The following FERMT2 variants were observed in gnomAD, a reference collection of about 807,000 sequenced individuals.
FERMT2 encodes the protein FERM domain containing kindlin 2, also known as fermitin family homolog 2.
In FERMT2, 15 loss-of-function variants were observed where a neutral mutation model predicts 82.7. The observed-to-expected ratio is 0.18, with a 90% confidence interval of 0.12 to 0.28. FERMT2 has a LOEUF of 0.28. Ranked by LOEUF, FERMT2 falls within the 10% of genes least tolerant of loss-of-function variation. The pLI is 1.00. For synonymous variants in FERMT2, 274 were observed against 271.5 expected (o/e 1.01, Z -0.09); for missense variants, 645 against 809.4 (o/e 0.80, Z 2.46).
chr14:52,915,609 A>T (rs1888573013), intron 3 of FERMT2, among the ~76,000 whole-genome samples: 1 of 152,234 alleles, frequency 6.6e-6, no homozygotes, highest in South Asian at 2.1e-4. Context: ...CCAAATGCAC[A>T]AAAGTAAATT....
intron 3 of FERMT2, among the ~76,000 whole-genome samples, chr14:52,902,404 CA>C (rs66918916): frequency 5.5e-5 from 8 of 146,572 alleles, no homozygotes; most frequent in South Asian, 2.2e-4. Flanking sequence ...AAAACAAAAA[CA>C]AAAAAAAAAG....
At chr14:52,926,898 A>G (rs974734754) in intron 2 of FERMT2, among the ~76,000 whole-genome samples, 21 of 152,226 alleles carry the variant, frequency 1.4e-4, no homozygotes, top group African/African-American at 5.1e-4. Flanking sequence ...TTAGTAAAAT[A>G]TCTTAATTCT....
At chr14:52,921,976 G>A (rs1317551335) in intron 2 of FERMT2, among the ~76,000 whole-genome samples, 1 of 152,094 alleles carries the variant, frequency 6.6e-6, no homozygotes, top group Non-Finnish European at 1.5e-5. Flanking sequence ...GGGAGGCAAG[G>A]AGAAAAAGAG....
chr14:52,949,390 GAAA>G (rs1197953349), intron 2 of FERMT2, among the ~76,000 whole-genome samples: 12 of 75,994 alleles, frequency 1.6e-4, no homozygotes, highest in African/African-American at 4.5e-4. Flanking sequence ...AAAAAAAAAA[GAAA>G]AAAAAAAAGA....
Position 52,881,050 on chromosome 14 carries a change from CA to C in FERMT2, c.840del (p.Phe280LeufsTer3). 6.2e-7 allele frequency: 1 copy of C among 1,608,418 alleles called. No individual in the cohort carries two copies. The highest frequency in any genetic ancestry group is 1.7e-5 in the Admixed American group (1 of 59,574). On this transcript the variant is annotated frameshift_variant, in exon 6 of 15. Transcript: ENST00000341590. LOFTEE classifies it high-confidence loss of function. Reference protein sequence around the residue: ...LLLRFKYYSFFDLNPKYDAIR... With the variant: ...LLLRFKYYSFXDLNPKYDAIR... The stretch of plus-strand genomic sequence containing the variant: ...ACCCTCGGTACCTTTGGATTCAAAT[CA>C]AAAAAGCTGTAATACTTGAATCGGA...
chr14:52,942,821 C>G (rs572977227), intron 2 of FERMT2, among the ~76,000 whole-genome samples: 3 of 152,228 alleles, frequency 2.0e-5, no homozygotes, highest in African/African-American at 7.2e-5. Flanking sequence ...AAACCTACAT[C>G]CAATGATGTC....
intron 3 of FERMT2, among the ~76,000 whole-genome samples, chr14:52,902,975 C>T (rs1271485111): frequency 7.0e-6 from 1 of 143,544 alleles, no homozygotes; most frequent in Admixed American, 7.0e-5. Flanking sequence ...TGGATCGATC[C>T]AAGAACAATG....
At chr14:52,935,076 A>T (rs777971525) in intron 2 of FERMT2, among the ~76,000 whole-genome samples, 1 of 152,246 alleles carries the variant, frequency 6.6e-6, no homozygotes, top group Non-Finnish European at 1.5e-5. Context: ...AAGATAAAGT[A>T]TGGTGGCAAC....
Position 52,878,585 on chromosome 14 carries a change from C to T in FERMT2, c.960G>A (p.Leu320=), listed in dbSNP as rs1416768661. 8 of 1,603,292 alleles carry T rather than the reference C, an allele frequency of 5.0e-6. No homozygotes were observed. Among genetic ancestry groups the T allele is most frequent in the Non-Finnish European group, 6.8e-6 (8 of 1,172,552 alleles). ...ATTTACTAGACCTTTCAACTACCTG[C>T]AGGGCTGCAAACATCATCATTTCTT... is the stretch of plus-strand genomic sequence containing the variant. ...TEEEMMMFAA[L]QYHINKLSIM... Residue 320 remains leucine (L), a synonymous_variant, in exon 7 of 15, where the codon CTG becomes CTA. Coordinates refer to ENST00000341590, the MANE Select transcript of FERMT2 (RefSeq NM_006832.3).
chr14:52,884,311 G>A (rs551073581), intron 4 of FERMT2, among the ~76,000 whole-genome samples: 1 of 152,228 alleles, frequency 6.6e-6, no homozygotes, highest in South Asian at 2.1e-4. Flanking sequence ...GCTATAAATC[G>A]GCCAGTCTGG....
intron 3 of FERMT2, among the ~76,000 whole-genome samples, chr14:52,914,961 CAAG>C (rs1219137643): frequency 1.3e-5 from 2 of 150,808 alleles, no homozygotes; most frequent in Admixed American, 1.3e-4. Context: ...ATTAAAAAAA[CAAG>C]AAAATCCAAG....
intron 4 of FERMT2, among the ~76,000 whole-genome samples, chr14:52,884,431 G>A (rs1369293283): frequency 6.6e-6 from 1 of 151,790 alleles, no homozygotes; most frequent in Non-Finnish European, 1.5e-5. Flanking sequence ...GTGAAACCCC[G>A]CCTCTACTAA....
chr14:52,905,537 G>T (rs528829539), intron 3 of FERMT2, among the ~76,000 whole-genome samples: 1 of 152,196 alleles, frequency 6.6e-6, no homozygotes, highest in Non-Finnish European at 1.5e-5. Flanking sequence ...AGGTGGTGGC[G>T]AATAGACTAC....
chr14:52,911,949 T>C (rs1888335858), intron 3 of FERMT2, among the ~76,000 whole-genome samples: 1 of 152,152 alleles, frequency 6.6e-6, no homozygotes, highest in Admixed American at 6.6e-5. Context: ...CCTGGTTTCC[T>C]CCAAATGGAG....
chr14:52,884,639 G>C (rs1367794225), intron 4 of FERMT2, among the ~76,000 whole-genome samples: 2 of 151,994 alleles, frequency 1.3e-5, no homozygotes, highest in Non-Finnish European at 2.9e-5. Flanking sequence ...CAGTCTGGCT[G>C]TAGGGCTACA....
chr14:52,894,622 G>A (rs1887147440), intron 3 of FERMT2, among the ~76,000 whole-genome samples: 1 of 152,046 alleles, frequency 6.6e-6, no homozygotes, highest in South Asian at 2.1e-4. Context: ...CTACATATGG[G>A]TGATCAGAAT....
At chr14:52,883,487 T>C (rs1042667260) in intron 4 of FERMT2, among the ~76,000 whole-genome samples, 19 of 152,240 alleles carry the variant, frequency 1.2e-4, no homozygotes, top group Admixed American at 1.2e-3. Flanking sequence ...AAGTCTTGTT[T>C]CTTTCAAAGA....
intron 12 of FERMT2, 77 bp from the exon 13 acceptor site, chr14:52,860,542 T>C: frequency 1.5e-6 from 2 of 1,348,720 alleles, no homozygotes; most frequent in Non-Finnish European, 2.0e-6. Flanking sequence ...GATCAAAAGA[T>C]TGAATTACGC....
rs1884790767 is a variant in FERMT2, at chr14:52,859,787, A to C, written c.1728-73T>G. The stretch of plus-strand genomic sequence containing the variant: ...ATGTTGGACTGCTTTTCTTCAAGAT[A>C]AGTGTTCTCTCTAACCCTAAAAGAG... On this transcript the variant is annotated intron_variant, in intron 13 of 14. Transcript: ENST00000341590. The C allele has an allele frequency of 1.8e-5, 16 of 892,280 alleles. No individual in the cohort carries two copies. In the South Asian group the frequency reaches 3.3e-4, roughly 19 times the overall value. The allele number at this position is 892,280 out of a possible 1,614,324, so 55.3% of individuals were successfully genotyped here. A position where few individuals can be genotyped will look rare whatever the true frequency, so the allele number is the denominator to read the frequency against.
Sources: allele counts gnomAD v4.1 joint callset (sites outside exome capture counted in the v4.1 genomes callset), GRCh38; gene constraint gnomAD v4.1.1; transcripts MANE v1.5; gene names NCBI Gene and HGNC (gene_info 2026-07-23, HGNC 2026-07-21).